Variants in NRG1 observed in about 807,000 individuals in gnomAD.
The protein encoded by NRG1 is pro-neuregulin-1, membrane-bound isoform.
Under a neutral mutation model 63.8 loss-of-function variants are expected in NRG1, and 18 were observed. That is an observed-to-expected ratio of 0.28 (90% CI 0.19 to 0.42). NRG1 has a LOEUF of 0.42. NRG1 is among the 10% of genes least tolerant of loss of function. NRG1 has a pLI of 1.00. For missense variants in NRG1, 762 were observed against 814.7 expected (o/e 0.94, Z 0.79); for synonymous variants, 302 against 301.3 (o/e 1.00, Z -0.02).
intron 5 of NRG1, among the ~76,000 whole-genome samples, chr8:32,631,001 T>A (rs1588844538): frequency 6.6e-6 from 1 of 151,888 alleles, no homozygotes; most frequent in East Asian, 1.9e-4. Flanking sequence ...AGAAAAATAC[T>A]GATTTTTCCT....
At chr8:31,948,123 T>G (rs920993569) in intron 1 of NRG1, among the ~76,000 whole-genome samples, 3 of 152,196 alleles carry the variant, frequency 2.0e-5, no homozygotes, top group Non-Finnish European at 4.4e-5. Context: ...TATGTGTATG[T>G]ATAACATATA....
Position 32,190,661 on chromosome 8 carries a change from C to T in NRG1, c.38-405167C>T, listed in dbSNP as rs768470855. Among the ~76,000 whole-genome samples, 7 of 152,140 alleles carry T rather than the reference C, an allele frequency of 4.6e-5. 1 individual carries two copies. In the South Asian group the frequency reaches 1.4e-3, roughly 31 times the overall value. On this transcript the variant is annotated intron_variant, in intron 1 of 10. Transcript: ENST00000519301. ...ACAGTCATTTATTATTCTAGGCTTCCTGATAATCCTTATTAGTGGATACCA... is the reference window on the plus strand; with the variant it reads ...ACAGTCATTTATTATTCTAGGCTTCTTGATAATCCTTATTAGTGGATACCA...
intron 1 of NRG1, among the ~76,000 whole-genome samples, chr8:32,541,632 T>C (rs1832585057): frequency 6.6e-6 from 1 of 152,164 alleles, no homozygotes; most frequent in Non-Finnish European, 1.5e-5. Flanking sequence ...GGGTTGAATC[T>C]TTCAAAATAA....
intron 1 of NRG1, among the ~76,000 whole-genome samples, chr8:32,531,089 C>T (rs192464250): frequency 1.3e-5 from 2 of 150,580 alleles, no homozygotes; most frequent in East Asian, 3.9e-4. Flanking sequence ...CAGAATGAGA[C>T]TCCATCAGAA....
intron 7 of NRG1, among the ~76,000 whole-genome samples, chr8:32,744,371 A>C (rs1446366208): frequency 6.6e-6 from 1 of 152,174 alleles, no homozygotes; most frequent in African/African-American, 2.4e-5. Flanking sequence ...CAAAATTTCC[A>C]AACAGCCTTC....
At chr8:32,705,066 T>A (rs149031992) in intron 5 of NRG1, among the ~76,000 whole-genome samples, 11 of 152,352 alleles carry the variant, frequency 7.2e-5, no homozygotes, top group African/African-American at 2.6e-4. Flanking sequence ...ACTTGAATTT[T>A]TAAAACTATA....
chr8:31,780,160 T>G (rs1819542641), intron 1 of NRG1, among the ~76,000 whole-genome samples: 1 of 152,240 alleles, frequency 6.6e-6, no homozygotes, highest in Non-Finnish European at 1.5e-5. Flanking sequence ...ATGATTTCCA[T>G]GTTATGGATG....
intron 1 of NRG1, among the ~76,000 whole-genome samples, chr8:31,819,934 T>C (rs1006114878): frequency 1.3e-5 from 2 of 152,226 alleles, no homozygotes; most frequent in African/African-American, 4.8e-5. Context: ...TCTTCATCTT[T>C]ACATCAAGTT....
intron 5 of NRG1, among the ~76,000 whole-genome samples, chr8:32,719,830 C>G (rs959587603): frequency 3.3e-5 from 5 of 151,988 alleles, no homozygotes; most frequent in African/African-American, 1.2e-4. Flanking sequence ...ATTGCATCCC[C>G]TCTTGATGCC....
intron 1 of NRG1, among the ~76,000 whole-genome samples, chr8:31,778,195 A>G (rs1563390830): frequency 1.3e-5 from 2 of 152,168 alleles, no homozygotes; most frequent in East Asian, 1.9e-4. Context: ...TCCGAGGCAG[A>G]GGATCTTTTC....
intron 1 of NRG1, among the ~76,000 whole-genome samples, chr8:31,885,971 T>G (rs1031047742): frequency 6.6e-6 from 1 of 152,040 alleles, no homozygotes; most frequent in African/African-American, 2.4e-5. Context: ...TACTAAGAAT[T>G]TTGACTGGTT....
chr8:32,649,723 G>A lies in NRG1; in HGVS notation c.502+32838G>A, dbSNP rs141568332. Among the ~76,000 whole-genome samples, 1,179 of 152,190 alleles carry A rather than the reference G, an allele frequency of 7.7e-3. 5 individuals carry two copies. The highest frequency in any genetic ancestry group is 0.024 in the Middle Eastern group (7 of 294). On this transcript the variant is annotated intron_variant, in intron 5 of 11. Transcript: ENST00000356819. ...TGGCAAAGATTTAAAGAAAAAAAAA[G>A]TCTTGTTTTCTAGGTGCAATTAGGG...
chr8:32,303,207 A>G (rs1397023916), intron 1 of NRG1, among the ~76,000 whole-genome samples: 2 of 146,856 alleles, frequency 1.4e-5, no homozygotes, highest in East Asian at 1.9e-4. Flanking sequence ...AAAAAAAAAA[A>G]GAGAAAAGAA....
rs1268968509 is a variant in NRG1 at position 31,815,544 on chromosome 8, C to A, written c.37+176113C>A. 3.3e-5 allele frequency among the ~76,000 whole-genome samples: 5 copies of A among 152,154 alleles called. No homozygotes were observed. In the East Asian group the frequency reaches 9.6e-4, roughly 29 times the overall value. ...CACTTTTTATCTATCATGAATAATGCTATAAACATGAATGTACAGATATCT... is the reference window on the plus strand; with the variant it reads ...CACTTTTTATCTATCATGAATAATGATATAAACATGAATGTACAGATATCT... On this transcript the variant is annotated intron_variant, in intron 1 of 10. Transcript: ENST00000519301.
intron 1 of NRG1, among the ~76,000 whole-genome samples, chr8:32,283,010 GTTC>G (rs752891700): frequency 5.3e-5 from 8 of 152,090 alleles, no homozygotes; most frequent in Non-Finnish European, 1.0e-4. Flanking sequence ...ACCAATTTCT[GTTC>G]TTTTTTCTGA....
chr8:32,196,496 G>T (rs1366600070), intron 1 of NRG1, among the ~76,000 whole-genome samples: 1 of 152,128 alleles, frequency 6.6e-6, no homozygotes, highest in African/African-American at 2.4e-5. Flanking sequence ...AATAAACTAG[G>T]ATGAGAAGAC....
intron 1 of NRG1, among the ~76,000 whole-genome samples, chr8:32,072,382 G>A (rs908649495): frequency 6.6e-6 from 1 of 151,310 alleles, no homozygotes; most frequent in Non-Finnish European, 1.5e-5. Flanking sequence ...GTTATAAACT[G>A]TGCTGGCAGT....
chr8:32,751,618 T>C (rs1828746821), intron 7 of NRG1, among the ~76,000 whole-genome samples: 3 of 152,158 alleles, frequency 2.0e-5, no homozygotes, highest in Admixed American at 2.0e-4. Context: ...GGATAAGGGT[T>C]GTAGTGCATC....
At chr8:32,711,615 A>G (rs1334189828) in intron 5 of NRG1, among the ~76,000 whole-genome samples, 1 of 152,228 alleles carries the variant, frequency 6.6e-6, no homozygotes. Flanking sequence ...TGTGCTATAA[A>G]GAGGAAAGAA....
Sources: gnomAD v4.1 joint callset for allele counts (sites outside exome capture counted in the v4.1 genomes callset) on GRCh38, gnomAD v4.1.1 for gene constraint, MANE v1.5 for transcripts, NCBI Gene and HGNC (gene_info 2026-07-23, HGNC 2026-07-21) for gene names.